Variants in KYNU observed in about 807,000 individuals in gnomAD.
KYNU encodes the protein kynureninase, also known as L-kynurenine hydrolase.
In KYNU, 54 loss-of-function variants were observed where a neutral mutation model predicts 59.2. The ratio of observed to expected loss-of-function variants is 0.91; its 90% CI spans 0.73 to 1.14. The LOEUF (loss-of-function observed/expected upper bound fraction) is 1.14. KYNU is among the 50% of genes most tolerant of loss of function. The probability of loss-of-function intolerance (pLI) is 0.00; values close to 1 mark genes in which losing one functional copy is unlikely to be tolerated. For missense variants in KYNU, 567 were observed against 554.4 expected, an observed-to-expected ratio of 1.02 and a Z score of -0.23; for synonymous variants, 177 against 192.0, an observed-to-expected ratio of 0.92 and a Z score of 0.65.
At chr2:142,997,818 T>G (rs1685586019) in intron 10 of KYNU, among the ~76,000 whole-genome samples, 1 of 152,110 alleles carries the variant, frequency 6.6e-6, no homozygotes, top group Non-Finnish European at 1.5e-5. Flanking sequence ...TATTTAGGAA[T>G]TCATATTGAG....
At chr2:143,005,427 C>T (rs186614892) in intron 10 of KYNU, among the ~76,000 whole-genome samples, 5 of 152,126 alleles carry the variant, frequency 3.3e-5, no homozygotes, top group Admixed American at 2.0e-4. Context: ...TTCCAGCGAC[C>T]TAGAGAAACT....
intron 10 of KYNU, among the ~76,000 whole-genome samples, chr2:143,019,442 T>C (rs1361073882): frequency 1.3e-5 from 2 of 152,132 alleles, no homozygotes; most frequent in Non-Finnish European, 2.9e-5. Context: ...CATTTACTGA[T>C]TTGTGTATGT....
Position 142,952,232 on chromosome 2 carries a change from C to T in KYNU, c.374-2578C>T, listed in dbSNP as rs150923676. Among the ~76,000 whole-genome samples, 29 of 152,180 alleles carry T rather than the reference C, an allele frequency of 1.9e-4. No homozygotes were observed. In the East Asian group the frequency reaches 3.5e-3, roughly 18 times the overall value. On this transcript the variant is annotated intron_variant, in intron 4 of 13. Transcript: ENST00000264170. ...CTGGGAACACAGGCATGCACCACCA[C>T]ATCCAGCTGTTTTTTGTATTTTTAG...
chr2:143,023,719 A>G (rs1686472142), intron 10 of KYNU, among the ~76,000 whole-genome samples: 1 of 151,936 alleles, frequency 6.6e-6, no homozygotes. Context: ...ATAATTGTTC[A>G]AGGAAGAGAA....
At chr2:142,991,478 G>A (rs911131898) in intron 10 of KYNU, among the ~76,000 whole-genome samples, 1 of 151,630 alleles carries the variant, frequency 6.6e-6, no homozygotes, top group Non-Finnish European at 1.5e-5. Flanking sequence ...ATATGACCTC[G>A]GCCTTCTGAG....
chr2:142,883,705 A>G (rs1681389246), intron 1 of KYNU, among the ~76,000 whole-genome samples: 1 of 152,148 alleles, frequency 6.6e-6, no homozygotes, highest in South Asian at 2.1e-4. Context: ...TCTCAGAAGG[A>G]TGAACATGAC....
chr2:142,988,958 G>A, intron 10 of KYNU: 1 of 1,361,748 alleles, frequency 7.3e-7, no homozygotes, highest in Non-Finnish European at 1.0e-6. Flanking sequence ...ATGTTTTGCT[G>A]AAACTTAACT....
intron 10 of KYNU, among the ~76,000 whole-genome samples, chr2:143,007,978 A>G (rs1685966508): frequency 1.6e-5 from 2 of 125,708 alleles, no homozygotes; most frequent in Non-Finnish European, 3.3e-5. Flanking sequence ...GACCATCAAG[A>G]CTAGGAAGAA....
chr2:143,011,018 C>T lies in KYNU; in HGVS notation c.903-18609C>T, dbSNP rs1193132325. On this transcript the variant is annotated intron_variant, in intron 10 of 13. Coordinates refer to ENST00000264170, the MANE Select transcript of KYNU (RefSeq NM_003937.3). ...TAGGCATGGGCAAGGACTTCATGTG[C>T]AAAACACCAAAAGCAATGGCAACCA... Among the ~76,000 whole-genome samples, 8 of 144,794 alleles carry T rather than the reference C, an allele frequency of 5.5e-5. 1 individual carries two copies. Among genetic ancestry groups the T allele is most frequent in the East Asian group, 4.3e-4 (2 of 4,682 alleles). 95.0% of individuals were successfully genotyped at this position (144,794 alleles called of 152,430 possible).
chr2:142,882,181 A>G (rs1050955969), intron 1 of KYNU, among the ~76,000 whole-genome samples: 2 of 151,954 alleles, frequency 1.3e-5, no homozygotes, highest in Non-Finnish European at 2.9e-5. Flanking sequence ...CACTAGAAAT[A>G]ATCTATCCAC....
intron 4 of KYNU, among the ~76,000 whole-genome samples, chr2:142,930,936 G>A (rs557930193): frequency 3.3e-5 from 5 of 152,082 alleles, no homozygotes; most frequent in South Asian, 2.1e-4. Flanking sequence ...GGGTGCAGGC[G>A]GGCTGAGGCC....
chr2:143,012,524 C>A (rs1188807551), intron 10 of KYNU, among the ~76,000 whole-genome samples: 1 of 151,200 alleles, frequency 6.6e-6, no homozygotes, highest in African/African-American at 2.4e-5. Context: ...GAAAAAGGGA[C>A]TATGGAGTAC....
intron 4 of KYNU, among the ~76,000 whole-genome samples, chr2:142,953,309 G>A (rs1397918151): frequency 6.6e-6 from 1 of 152,198 alleles, no homozygotes. Flanking sequence ...TCAGGGAACG[G>A]CAAGAATGCT....
chr2:142,933,993 G>A (rs761444140), intron 4 of KYNU, among the ~76,000 whole-genome samples: 8 of 152,176 alleles, frequency 5.3e-5, no homozygotes, highest in Non-Finnish European at 7.3e-5. Flanking sequence ...ACAGAATTAC[G>A]GAAAGTAAAG....
intron 10 of KYNU, among the ~76,000 whole-genome samples, chr2:143,021,798 T>A (rs1288853100): frequency 6.6e-6 from 1 of 152,134 alleles, no homozygotes; most frequent in Non-Finnish European, 1.5e-5. Context: ...AATATGAGAT[T>A]TGGGCAGGGA....
intron 3 of KYNU, among the ~76,000 whole-genome samples, chr2:142,927,148 T>C (rs1340426613): frequency 6.6e-6 from 1 of 152,240 alleles, no homozygotes; most frequent in Non-Finnish European, 1.5e-5. Flanking sequence ...CCAAGTAGTA[T>C]TGGCTTTGAT....
chr2:142,912,779 GGCTCATTGCAA>G (rs1682533440), intron 2 of KYNU, among the ~76,000 whole-genome samples: 1 of 140,134 alleles, frequency 7.1e-6, no homozygotes, highest in Non-Finnish European at 1.5e-5. Context: ...GCACGATCTC[GGCTCATTGCAA>G]GCTCTGCCTC....
At chr2:143,040,402 T>G (rs372519726) in intron 12 of KYNU, 26 bp from the exon 13 acceptor site, 1 of 1,549,380 alleles carries the variant, frequency 6.5e-7, no homozygotes, top group South Asian at 1.1e-5. Flanking sequence ...TAAGACACTT[T>G]AATCTGATTG....
intron 10 of KYNU, among the ~76,000 whole-genome samples, chr2:143,028,950 G>C (rs916376181): frequency 2.6e-5 from 4 of 152,016 alleles, no homozygotes; most frequent in African/African-American, 9.7e-5. Context: ...TGGGCTTTTT[G>C]GGTACATTTC....
Sources: gnomAD v4.1 joint callset for allele counts (sites outside exome capture counted in the v4.1 genomes callset) on GRCh38, gnomAD v4.1.1 for gene constraint, MANE v1.5 for transcripts, NCBI Gene and HGNC (gene_info 2026-07-23, HGNC 2026-07-21) for gene names.